The following SH3PXD2B variants were observed in gnomAD, a reference collection of about 807,000 sequenced individuals.
SH3PXD2B encodes the protein SH3 and PX domain-containing protein 2B.
A neutral mutation model predicts 73.1 loss-of-function variants in SH3PXD2B; 37 were observed. The ratio of observed to expected loss-of-function variants is 0.51; its 90% CI spans 0.39 to 0.67. SH3PXD2B has a LOEUF of 0.67. Among genes scored for constraint, SH3PXD2B ranks in the 30% least tolerant of loss-of-function variants. The probability of loss-of-function intolerance (pLI) is 0.00; values close to 1 mark genes in which losing one functional copy is unlikely to be tolerated. For synonymous variants in SH3PXD2B, 457 were observed against 480.5 expected, an observed-to-expected ratio of 0.95 and a Z score of 0.64; for missense variants, 1,053 against 1,197.8, an observed-to-expected ratio of 0.88 and a Z score of 1.78.
At chr5:172,411,851 A>G (rs2113442485) in intron 2 of SH3PXD2B, among the ~76,000 whole-genome samples, 1 of 152,118 alleles carries the variant, frequency 6.6e-6, no homozygotes, top group African/African-American at 2.4e-5. Flanking sequence ...TACCATTTCA[A>G]CCACACTTGG....
intron 5 of SH3PXD2B, among the ~76,000 whole-genome samples, chr5:172,376,015 C>T (rs537781580): frequency 6.6e-6 from 1 of 151,276 alleles, no homozygotes; most frequent in East Asian, 1.9e-4. Context: ...CTTGACAATA[C>T]TTGTCATGTA....
intron 1 of SH3PXD2B, among the ~76,000 whole-genome samples, chr5:172,452,022 C>T (rs1057053601): frequency 7.9e-5 from 12 of 152,226 alleles, no homozygotes; most frequent in African/African-American, 2.9e-4. Context: ...AATCCCCCTA[C>T]CATGTGACTT....
chr5:172,396,183 T>C (rs1758290936), intron 3 of SH3PXD2B, among the ~76,000 whole-genome samples: 1 of 132,190 alleles, frequency 7.6e-6, no homozygotes, highest in African/African-American at 2.9e-5. Flanking sequence ...CAAAACTCTG[T>C]CTCTACTAAA....
chr5:172,333,181 C>T (rs986508955), downstream of SH3PXD2B, among the ~76,000 whole-genome samples: 3 of 151,652 alleles, frequency 2.0e-5, no homozygotes, highest in Non-Finnish European at 2.9e-5. Context: ...GTGATCGGCC[C>T]GCCTCGGCCT....
Position 172,358,776 on chromosome 5 carries a change from C to T in SH3PXD2B, c.664G>A (p.Glu222Lys), listed in dbSNP as rs753379729. ...AGAGGCTCGAGCTCCTCCCTACCTT[C>T]TTCAGGCTGCAGAGAAAACTCATCC... The part of the protein sequence containing the change: ...VQDEFSLQPE[E>K]EEKYTVIYPY... The change falls in exon 8 of 13, where the codon GAA (glutamate) becomes AAA (lysine). Residue 222 changes from glutamate (E) to lysine (K), a missense_variant. Around this residue, in one of 2 missense-constraint regions of SH3PXD2B, gnomAD observed 466 missense variants for 607.1 expected, o/e 0.77. Transcript: ENST00000311601. The T allele has an allele frequency of 2.2e-5, 35 of 1,611,620 alleles. No individual in the cohort carries two copies. Among genetic ancestry groups the T allele is most frequent in the Non-Finnish European group, 2.0e-5 (23 of 1,179,146 alleles).
intron 2 of SH3PXD2B, among the ~76,000 whole-genome samples, chr5:172,419,532 G>T (rs1758908716): frequency 6.6e-6 from 1 of 152,156 alleles, no homozygotes; most frequent in African/African-American, 2.4e-5. Flanking sequence ...GCTCACTGGG[G>T]GTTGCTCTTG....
chr5:172,452,764 G>A (rs1022527160), intron 1 of SH3PXD2B, among the ~76,000 whole-genome samples: 1 of 152,060 alleles, frequency 6.6e-6, no homozygotes, highest in Non-Finnish European at 1.5e-5. Context: ...CTGTCTTCAT[G>A]CCAAAGAGGC....
In SH3PXD2B at chr5:172,338,661, T is replaced by C. The variant is rs902037757; in HGVS notation, c.2444A>G (p.Gln815Arg). The C allele has an allele frequency of 4.3e-6, 7 of 1,614,090 alleles. 1 individual carries two copies. The African/African-American group carries it at 6.7e-5, about 15-fold the overall frequency. The stretch of plus-strand genomic sequence containing the variant: ...GCTGCCTTTGCCTCGCGTGTCATCC[T>C]GGCCCCCCAAAGAGTTGGAGAGAAA... The part of the protein sequence containing the change: ...KPFLSNSLGG[Q>R]DDTRGKGSLG... Residue 815 changes from glutamine (Q) to arginine (R), a missense_variant, in exon 13 of 13, where the codon CAG (glutamine) becomes CGG (arginine). Gln to Arg is a conservative substitution (Grantham distance 43, BLOSUM62 1). Coordinates refer to ENST00000311601, the MANE Select transcript of SH3PXD2B (RefSeq NM_001017995.3). The surrounding 1 kb of genome is among the most constrained non-coding windows in gnomAD (Gnocchi z 5.1).
chr5:172,401,238 T>C (rs1173319433), intron 3 of SH3PXD2B, among the ~76,000 whole-genome samples: 1 of 152,222 alleles, frequency 6.6e-6, no homozygotes, highest in African/African-American at 2.4e-5. Flanking sequence ...TATCACCCCG[T>C]ATTCCTACAA....
chr5:172,344,001 C>T (rs1171330506), intron 12 of SH3PXD2B, among the ~76,000 whole-genome samples: 1 of 151,780 alleles, frequency 6.6e-6, no homozygotes, highest in Non-Finnish European at 1.5e-5. Context: ...AACCAACCAA[C>T]CCTATGATGC....
intron 2 of SH3PXD2B, among the ~76,000 whole-genome samples, chr5:172,415,568 T>C (rs1758800709): frequency 6.6e-6 from 1 of 152,180 alleles, no homozygotes; most frequent in African/African-American, 2.4e-5. Context: ...ATGGATACAA[T>C]ACTGACCTCA....
intron 8 of SH3PXD2B, among the ~76,000 whole-genome samples, 189 bp from the exon 9 acceptor site, chr5:172,354,194 T>C (rs1447005449): frequency 2.6e-5 from 4 of 152,078 alleles, no homozygotes; most frequent in Non-Finnish European, 5.9e-5. Context: ...AAAGGGTAGA[T>C]CTCGATCCCT....
At chr5:172,385,806 A>T (rs1244949714) in intron 4 of SH3PXD2B, among the ~76,000 whole-genome samples, 1 of 152,354 alleles carries the variant, frequency 6.6e-6, no homozygotes, top group East Asian at 1.9e-4. Flanking sequence ...ACCATAAAAG[A>T]AGTCAAGTTA....
intron 1 of SH3PXD2B, among the ~76,000 whole-genome samples, chr5:172,433,256 A>G (rs1414206669): frequency 6.6e-6 from 1 of 152,126 alleles, no homozygotes; most frequent in Non-Finnish European, 1.5e-5. Context: ...TATACCATCT[A>G]GGTTTGTGTA....
intron 8 of SH3PXD2B, among the ~76,000 whole-genome samples, chr5:172,358,527 T>C (rs907421910): frequency 6.6e-6 from 1 of 152,326 alleles, no homozygotes; most frequent in African/African-American, 2.4e-5. Context: ...ATGAAAGGGT[T>C]AGGGCTCGAG....
At chr5:172,345,751 C>T (rs1047611652) in intron 12 of SH3PXD2B, among the ~76,000 whole-genome samples, 1 of 152,142 alleles carries the variant, frequency 6.6e-6, no homozygotes, top group Non-Finnish European at 1.5e-5. Context: ...GAAAGGCATA[C>T]AGCCAGTCAC....
intron 6 of SH3PXD2B, among the ~76,000 whole-genome samples, chr5:172,368,608 T>C (rs868423785): frequency 1.0e-4 from 2 of 19,056 alleles, no homozygotes; most frequent in African/African-American, 7.3e-4. Flanking sequence ...ATATATATAA[T>C]ATATATGTTA....
chr5:172,380,391 A>G (rs1021379203), intron 5 of SH3PXD2B, among the ~76,000 whole-genome samples: 3 of 152,214 alleles, frequency 2.0e-5, no homozygotes, highest in Non-Finnish European at 2.9e-5. Flanking sequence ...AATGAAGTGG[A>G]AAGGGAACAC....
intron 6 of SH3PXD2B, among the ~76,000 whole-genome samples, chr5:172,363,337 G>A (rs1370216883): frequency 6.6e-6 from 1 of 152,090 alleles, no homozygotes; most frequent in African/African-American, 2.4e-5. Flanking sequence ...ATTAATCTAT[G>A]AAATCACCAG....
Sources: gnomAD v4.1 joint callset for allele counts (sites outside exome capture counted in the v4.1 genomes callset) on GRCh38, gnomAD v4.1.1 for gene constraint, gnomAD v4.1.1 regional missense constraint, Gnocchi (gnomAD v3.1) non-coding constraint, MANE v1.5 for transcripts, NCBI Gene and HGNC (gene_info 2026-07-23, HGNC 2026-07-21) for gene names.